Variants in SDHA observed in about 807,000 individuals in gnomAD.
The protein encoded by SDHA is succinate dehydrogenase complex flavoprotein subunit A.
Under a neutral mutation model 78.4 loss-of-function variants are expected in SDHA, and 48 were observed. The ratio of observed to expected loss-of-function variants is 0.61; its 90% CI spans 0.49 to 0.78. The LOEUF is 0.78. SDHA is among the 30% of genes least tolerant of loss of function. The pLI is 0.00. For synonymous variants in SDHA, 326 were observed against 353.9 expected (o/e 0.92, Z 0.88); for missense variants, 680 against 892.7 (o/e 0.76, Z 3.04).
chr5:267,567 A>G, the SDHA span, among the ~76,000 whole-genome samples: 3 of 152,242 alleles, frequency 2.0e-5, no homozygotes, highest in African/African-American at 7.2e-5. Context: ...AGGGTGCACT[A>G]TGGAAAGCCT....
rs988419580 is a variant in SDHA at position 236,452 on chromosome 5, G to C, written c.1285G>C (p.Asp429His). Residue 429 changes from aspartate to histidine, a missense_variant, in exon 10 of 15, where the codon GAT (aspartate) becomes CAT (histidine). Coordinates refer to ENST00000264932, the MANE Select transcript of SDHA (RefSeq NM_004168.4). ...GGTCCTGAGGCACGTGAATGGCCAG[G>C]ATCAGATTGTGCCCGGCCTGTACGC... ...GQVLRHVNGQ[D>H]QIVPGLYACG... 2 of 1,613,986 alleles carry C rather than the reference G, an allele frequency of 1.2e-6. No individual in the cohort carries two copies. Among genetic ancestry groups the C allele is most frequent in the Non-Finnish European group, 1.7e-6 (2 of 1,179,850 alleles).
At chr5:238,447 AT>A (rs55756087) in intron 10 of SDHA, among the ~76,000 whole-genome samples, 26 of 148,696 alleles carry the variant, frequency 1.7e-4, no homozygotes, top group East Asian at 3.9e-4. Context: ...ATATATATGT[AT>A]TTTTTTTTTT....
downstream of SDHA, among the ~76,000 whole-genome samples, chr5:261,737 T>C (rs374320076): frequency 0.025 from 476 of 18,770 alleles, 61 homozygotes; most frequent in East Asian, 0.044. Flanking sequence ...GAGCTCCGCC[T>C]CCCGGCAGAG....
At chr5:238,813 G>T (rs10074830) in intron 10 of SDHA, among the ~76,000 whole-genome samples, 35,490 of 150,994 alleles carry the variant, frequency 0.24, 6,527 homozygotes, top group African/African-American at 0.52. Flanking sequence ...ACAAAAATTA[G>T]CTGGGCATGG....
In SDHA at chr5:233,782, G is replaced by A. The variant is rs570306168; in HGVS notation, c.1064+137G>A. ...CCACCTCTCTTAGCTGCTGGCAGGCGTCTGTTAGTCTGCGATATTTTCCTA... is the reference window on the plus strand; with the variant it reads ...CCACCTCTCTTAGCTGCTGGCAGGCATCTGTTAGTCTGCGATATTTTCCTA... On this transcript the variant is annotated intron_variant, in intron 8 of 14. Coordinates refer to ENST00000264932, the MANE Select transcript of SDHA (RefSeq NM_004168.4). The A allele has an allele frequency of 2.7e-5, 22 of 818,316 alleles. 1 individual carries two copies. The highest frequency in any genetic ancestry group is 1.0e-4 in the East Asian group (4 of 40,160). The allele number at this position is 818,316 out of a possible 1,614,324, so 50.7% of individuals were successfully genotyped here.
intron 9 of SDHA, chr5:235,544 G>A: frequency 1.6e-5 from 10 of 623,024 alleles, no homozygotes; most frequent in Non-Finnish European, 2.9e-5. Context: ...TAAATTGTCA[G>A]AGATACATCA....
chr5:234,322 G>A (rs1735617563), intron 8 of SDHA: 1 of 153,558 alleles, frequency 6.5e-6, no homozygotes, highest in Non-Finnish European at 1.4e-5. Flanking sequence ...GGGAGGCTGA[G>A]GCAGGAGAAT....
At chr5:258,599 C>T (rs1479020622), downstream of SDHA, among the ~76,000 whole-genome samples, 12 of 127,200 alleles carry the variant, frequency 9.4e-5, no homozygotes, top group Non-Finnish European at 3.3e-5. Flanking sequence ...ACCGTGTGAG[C>T]TCCGCCTCCT....
intron 14 of SDHA, 69 bp from the exon 15 acceptor site, chr5:256,265 A>G (rs1737173498): frequency 2.5e-6 from 3 of 1,198,918 alleles, no homozygotes; most frequent in Admixed American, 3.4e-5. Context: ...AAAATTTTTC[A>G]AAAGGAACAC....
At chr5:258,773 A>G (rs1579453187), downstream of SDHA, among the ~76,000 whole-genome samples, 1 of 95,096 alleles carries the variant, frequency 1.1e-5, no homozygotes, top group Non-Finnish European at 1.9e-5. Flanking sequence ...GCCCCCCGCC[A>G]CAGCATTACC....
In SDHA at chr5:235,315, C is replaced by T. The variant is rs1331649574; in HGVS notation, c.1236C>T (p.Gly412=). ...CCACCGTGCATTATAACATGGGCGG[C>T]ATTCCCACCAACTACAAGGGGCAGG... is the stretch of plus-strand genomic sequence containing the variant. ...VLPTVHYNMG[G]IPTNYKGQVL... The change falls in exon 9 of 15, where the codon GGC becomes GGT. Residue 412 remains glycine (G), a synonymous_variant. Coordinates refer to ENST00000264932, the MANE Select transcript of SDHA (RefSeq NM_004168.4). The T allele has an allele frequency of 1.2e-6, 2 of 1,614,120 alleles. No individual in the cohort carries two copies. Among genetic ancestry groups the T allele is most frequent in the African/African-American group, 1.3e-5 (1 of 74,940 alleles).
chr5:235,408 T>A, intron 9 of SDHA, 69 bp downstream of exon 9: 3 of 1,388,562 alleles, frequency 2.2e-6, no homozygotes, highest in Non-Finnish European at 3.1e-6. Flanking sequence ...CTCGCAGTTG[T>A]CTCTTTAGAT....
chr5:242,063 C>T (rs10057346), intron 11 of SDHA, among the ~76,000 whole-genome samples: 36,667 of 152,182 alleles, frequency 0.24, 6,859 homozygotes, highest in African/African-American at 0.52. Flanking sequence ...CCAGGCTCCA[C>T]GAGATGCTGG....
chr5:267,910 T>G, the SDHA span, among the ~76,000 whole-genome samples: 1 of 152,198 alleles, frequency 6.6e-6, no homozygotes, highest in Non-Finnish European at 1.5e-5. Flanking sequence ...CTGCTGTAGC[T>G]TTGTCCCCTG....
intron 4 of SDHA, 25 bp from the exon 5 acceptor site, chr5:225,858 T>G: frequency 6.2e-7 from 1 of 1,611,938 alleles, no homozygotes; most frequent in Non-Finnish European, 8.5e-7. Context: ...GTGTTAAGGT[T>G]TTTGTTTGTT....
intron 9 of SDHA, chr5:236,187 G>A (rs911698030): frequency 4.4e-5 from 23 of 528,386 alleles, no homozygotes; most frequent in East Asian, 1.4e-4. Flanking sequence ...ATTATGCCCC[G>A]CTAATTTTTG....
chr5:223,407 G>T (rs978872805), intron 1 of SDHA, 75 bp from the exon 2 acceptor site: 1 of 1,096,262 alleles, frequency 9.1e-7, no homozygotes, highest in African/African-American at 1.5e-5. Flanking sequence ...GTTTGCAAGG[G>T]GAAATTACTA....
At chr5:248,605 A>T (rs1199633871) in intron 11 of SDHA, among the ~76,000 whole-genome samples, 2 of 152,172 alleles carry the variant, frequency 1.3e-5, no homozygotes, top group Non-Finnish European at 2.9e-5. Context: ...CTGCTTCTAT[A>T]ATTGAGGCAT....
At position 251,380 on chromosome 5, in the gene SDHA, A is replaced by G. The variant is rs1159670475; in HGVS notation, c.1706A>G (p.Gln569Arg). Residue 569 changes from glutamine to arginine, a missense_variant, in exon 13 of 15, where the codon CAG (glutamine) becomes CGG (arginine). Physicochemically the swap from Gln to Arg is conservative, Grantham distance 43. Coordinates refer to ENST00000264932, the MANE Select transcript of SDHA (RefSeq NM_004168.4). ...GACCTGGTGGAGACCCTGGAGCTGC[A>G]GAACCTGATGCTGTGTGCGCTGCAG... ...NTDLVETLEL[Q>R]NLMLCALQTI... 10 of 1,613,824 alleles carry G rather than the reference A, an allele frequency of 6.2e-6. No homozygotes were observed. The highest frequency in any genetic ancestry group is 8.5e-6 in the Non-Finnish European group (10 of 1,179,812).
Sources: allele counts gnomAD v4.1 joint callset (sites outside exome capture counted in the v4.1 genomes callset), GRCh38; gene constraint gnomAD v4.1.1; transcripts MANE v1.5; gene names NCBI Gene and HGNC (gene_info 2026-07-23, HGNC 2026-07-21).